The following ETFDH variants were observed in gnomAD, a reference collection of about 807,000 sequenced individuals.
ETFDH encodes electron transfer flavoprotein dehydrogenase, also known as electron transfer flavoprotein-ubiquinone oxidoreductase, mitochondrial.
ETFDH carries 61 observed loss-of-function variants against 73.2 expected under a neutral mutation model. The observed-to-expected ratio is 0.83, with a 90% CI of 0.68 to 1.03. The LOEUF (loss-of-function observed/expected upper bound fraction) is 1.03. Ranked by LOEUF, ETFDH falls within the 50% of genes least tolerant of loss-of-function variation. The pLI, the probability that ETFDH is intolerant of heterozygous loss-of-function variation, is 0.00. For synonymous variants in ETFDH, 243 were observed against 253.3 expected, an observed-to-expected ratio of 0.96 and a Z score of 0.39; for missense variants, 685 against 745.0, an observed-to-expected ratio of 0.92 and a Z score of 0.94.
chr4:158,689,671 A>G (rs977705607), intron 5 of ETFDH, among the ~76,000 whole-genome samples: 2 of 132,420 alleles, frequency 1.5e-5, no homozygotes, highest in Middle Eastern at 4.4e-3. Context: ...ATTGCTGCTA[A>G]TCTTTTCTTG....
intron 1 of ETFDH, among the ~76,000 whole-genome samples, chr4:158,678,205 G>A (rs1773758911): frequency 6.6e-6 from 1 of 152,072 alleles, no homozygotes; most frequent in South Asian, 2.1e-4. Context: ...TTCTGTTCCA[G>A]GATCCAGTCC....
chr4:158,701,778 AC>A (rs137965332), intron 9 of ETFDH, among the ~76,000 whole-genome samples: 67 of 152,366 alleles, frequency 4.4e-4, no homozygotes, highest in African/African-American at 1.5e-3. Flanking sequence ...TGTGGAAAGA[AC>A]AACGCTGCTT....
chr4:158,708,653 A>G lies in ETFDH; in HGVS notation c.*126A>G. The G allele has an allele frequency of 1.2e-6, 1 of 807,174 alleles. No individual in the cohort carries two copies. Among genetic ancestry groups the G allele is most frequent in the Non-Finnish European group, 2.1e-6 (1 of 482,206 alleles). 50.0% of individuals were successfully genotyped at this position (807,174 alleles called of 1,614,324 possible). On this transcript the variant is annotated 3_prime_UTR_variant, in exon 13 of 13. Coordinates refer to ENST00000511912, the MANE Select transcript of ETFDH (RefSeq NM_004453.4). ...TAGTCACAAAATGATTATCAAATAAAAATTTTATACTATATGTAAGATTGT... is the reference window on the plus strand; with the variant it reads ...TAGTCACAAAATGATTATCAAATAAGAATTTTATACTATATGTAAGATTGT...
chr4:158,686,193 T>C (rs1490787872), intron 5 of ETFDH, among the ~76,000 whole-genome samples: 2 of 152,140 alleles, frequency 1.3e-5, no homozygotes, highest in African/African-American at 2.4e-5. Context: ...TGGTTTAGCA[T>C]GCCAGAGTGC....
intron 9 of ETFDH, among the ~76,000 whole-genome samples, chr4:158,700,067 C>A (rs1774416737): frequency 6.6e-6 from 1 of 152,146 alleles, no homozygotes; most frequent in African/African-American, 2.4e-5. Flanking sequence ...GAATCTAGGA[C>A]TATCTTAGAA....
chr4:158,696,693 A>C (rs188342251), intron 7 of ETFDH, among the ~76,000 whole-genome samples: 81 of 152,362 alleles, frequency 5.3e-4, no homozygotes, highest in African/African-American at 1.8e-3. Flanking sequence ...GAAATTGTTC[A>C]GAATTTAAAA....
At chr4:158,673,929 A>G (rs1773647894) in intron 1 of ETFDH, among the ~76,000 whole-genome samples, 1 of 152,228 alleles carries the variant, frequency 6.6e-6, no homozygotes, top group Non-Finnish European at 1.5e-5. Context: ...AACCACGGAG[A>G]CTGAATATTC....
At chr4:158,699,189 A>G in intron 9 of ETFDH, 59 bp downstream of exon 9, 1 of 1,368,990 alleles carries the variant, frequency 7.3e-7, no homozygotes, top group Non-Finnish European at 1.0e-6. Flanking sequence ...AATTGAACAT[A>G]TAATGTAACA....
At chr4:158,687,320 G>A (rs1002236239) in intron 5 of ETFDH, among the ~76,000 whole-genome samples, 2 of 152,156 alleles carry the variant, frequency 1.3e-5, no homozygotes, top group Non-Finnish European at 1.5e-5. Context: ...TTAAGAGACA[G>A]GGACAGTTGG....
intron 6 of ETFDH, among the ~76,000 whole-genome samples, 171 bp from the exon 7 acceptor site, chr4:158,695,326 G>A (rs1774280914): frequency 2.0e-5 from 3 of 152,054 alleles, no homozygotes; most frequent in Admixed American, 6.6e-5. Flanking sequence ...AGTGAGAAGA[G>A]TAAGATTATA....
At chr4:158,678,783 G>A (rs1396588100) in intron 1 of ETFDH, among the ~76,000 whole-genome samples, 1 of 151,966 alleles carries the variant, frequency 6.6e-6, no homozygotes, top group African/African-American at 2.4e-5. Context: ...GAGTAGGTGG[G>A]ACTGCAGGTG....
chr4:158,672,637 TG>T, intron 1 of ETFDH, 147 bp downstream of exon 1: 1 of 804,066 alleles, frequency 1.2e-6, no homozygotes. Flanking sequence ...GTCAGCCTGT[TG>T]GGGGACCCTG....
chr4:158,686,414 A>G (rs1239806264), intron 5 of ETFDH, among the ~76,000 whole-genome samples: 1 of 152,230 alleles, frequency 6.6e-6, no homozygotes, highest in Non-Finnish European at 1.5e-5. Context: ...TTTTATGCTT[A>G]GGTACAATAA....
Position 158,684,669 on chromosome 4 carries a change from TC to T in ETFDH, c.485del (p.Pro162GlnfsTer5). The T allele has an allele frequency of 6.6e-7, 1 of 1,521,140 alleles. No individual in the cohort carries two copies. The highest frequency in any genetic ancestry group is 9.1e-7 in the Non-Finnish European group (1 of 1,095,342). 94.2% of individuals were successfully genotyped at this position (1,521,140 alleles called of 1,614,324 possible). On this transcript the variant is annotated frameshift_variant, in exon 4 of 13. Coordinates refer to ENST00000511912, the MANE Select transcript of ETFDH (RefSeq NM_004453.4). LOFTEE classifies it high-confidence loss of function. ...AATACAGAATTCCTGTGCCAATTCT[TC>T]CAGGTAAGGTATAGTGAATATGCAT... Reference protein sequence around the residue: ...EKYRIPVPILPGLPMNNHGNY... With the variant: ...EKYRIPVPILXGLPMNNHGNY...
In ETFDH at chr4:158,695,567, T is replaced by C; in HGVS notation, c.755T>C (p.Leu252Pro). ...TTTGCAGAAGGTTGCCATGGACATC[T>C]AGCCAAGCAACTATATAAGAAGTTT... ...TIFAEGCHGH[L>P]AKQLYKKFDL... is the part of the protein sequence containing the mutation. Residue 252 changes from leucine (L) to proline (P), a missense_variant, in exon 7 of 13, where the codon CTA becomes CCA. Physicochemically the swap from Leu to Pro is moderately conservative, Grantham distance 98 (BLOSUM62 -3). This residue lies in a region of ETFDH where 405 missense variants were observed against 399.3 expected (regional missense o/e 1.01). Transcript: ENST00000511912. The C allele has an allele frequency of 6.2e-7, 1 of 1,611,608 alleles. No individual in the cohort carries two copies. The highest frequency in any genetic ancestry group is 8.5e-7 in the Non-Finnish European group (1 of 1,177,784).
chr4:158,672,380 C>T lies in ETFDH; in HGVS notation c.-77C>T. 1 of 1,519,436 alleles carries T rather than the reference C, an allele frequency of 6.6e-7. No homozygotes were observed. The highest frequency in any genetic ancestry group is 1.1e-5 in the South Asian group (1 of 89,112). 94.1% of individuals were successfully genotyped at this position (1,519,436 alleles called of 1,614,324 possible). On this transcript the variant is annotated 5_prime_UTR_variant, in exon 1 of 13. Coordinates refer to ENST00000511912, the MANE Select transcript of ETFDH (RefSeq NM_004453.4). ...GGCAGGTGATGGCGCCCCCCGCGGC[C>T]TAGAGGTCCAGCGCCCGCCGCGAGC...
At chr4:158,678,555 C>T (rs1045373649) in intron 1 of ETFDH, among the ~76,000 whole-genome samples, 2 of 152,092 alleles carry the variant, frequency 1.3e-5, no homozygotes, top group African/African-American at 4.8e-5. Flanking sequence ...TAACATTTTT[C>T]ACTTTCCATT....
In ETFDH at chr4:158,699,070, C is replaced by T. The variant is rs2150312272; in HGVS notation, c.1056C>T (p.Thr352=). 6.2e-7 allele frequency: 1 copy of T among 1,613,874 alleles called. No homozygotes were observed. The highest frequency in any genetic ancestry group is 8.5e-7 in the Non-Finnish European group (1 of 1,179,824). Residue 352 remains threonine (T), a synonymous_variant, in exon 9 of 13, where the codon ACC becomes ACT. Coordinates refer to ENST00000511912, the MANE Select transcript of ETFDH (RefSeq NM_004453.4). ...AACACCATCCTAGCATTCGGCCAAC[C>T]TTGGAAGGTGGAAAAAGGATTGCAT... ...RWKHHPSIRP[T]LEGGKRIAYG... is the part of the protein sequence containing the mutation.
At chr4:158,693,710 G>T (rs559431504) in intron 6 of ETFDH, among the ~76,000 whole-genome samples, 2 of 152,040 alleles carry the variant, frequency 1.3e-5, no homozygotes, top group Non-Finnish European at 2.9e-5. Context: ...CCACCCTACC[G>T]CAACAAGATA....
Sources: gnomAD v4.1 joint callset for allele counts (sites outside exome capture counted in the v4.1 genomes callset) on GRCh38, gnomAD v4.1.1 for gene constraint, gnomAD v4.1.1 regional missense constraint, MANE v1.5 for transcripts, NCBI Gene and HGNC (gene_info 2026-07-23, HGNC 2026-07-21) for gene names.